Variants in KLRG1 observed in about 807,000 individuals in gnomAD.
KLRG1 encodes the protein killer cell lectin-like receptor subfamily G member 1.
A neutral mutation model predicts 21.8 loss-of-function variants in KLRG1; 16 were observed. The ratio of observed to expected loss-of-function variants is 0.73; its 90% confidence interval spans 0.50 to 1.11. The LOEUF is 1.11. Ranked by LOEUF, KLRG1 falls within the 50% of genes most tolerant of loss-of-function variation. KLRG1 has a pLI of 0.00. For missense variants in KLRG1, 173 were observed against 218.3 expected (o/e 0.79, Z 1.31); for synonymous variants, 69 against 75.9 (o/e 0.91, Z 0.47).
At chr12:9,184,530 A>G in the KLRG1 span, among the ~76,000 whole-genome samples, 7 of 152,194 alleles carry the variant, frequency 4.6e-5, no homozygotes, top group Non-Finnish European at 1.0e-4. Flanking sequence ...GCAACCTGGC[A>G]CCTGCTAGCA....
At chr12:9,079,346 T>G in the KLRG1 span, 4 of 1,608,446 alleles carry the variant, frequency 2.5e-6, no homozygotes, top group Non-Finnish European at 3.4e-6. Flanking sequence ...AAAGGAAGAT[T>G]AACGAAACAG....
chr12:9,110,329 T>C, the KLRG1 span: 5 of 1,447,314 alleles, frequency 3.5e-6, no homozygotes, highest in African/African-American at 1.4e-5. Flanking sequence ...TGTATACTAG[T>C]GGAATCTGAA....
At chr12:9,160,082 T>C in the KLRG1 span, 2 of 1,507,870 alleles carry the variant, frequency 1.3e-6, no homozygotes, top group Non-Finnish European at 1.8e-6. Context: ...AGGCCATCCA[T>C]ATGTTTAGGC....
the KLRG1 span, among the ~76,000 whole-genome samples, chr12:9,195,143 A>G: frequency 1.3e-4 from 20 of 152,326 alleles, no homozygotes; most frequent in South Asian, 4.1e-4. Flanking sequence ...GAATATCTCA[A>G]TTATGCTGAT....
At chr12:9,025,592 G>A in the KLRG1 span, among the ~76,000 whole-genome samples, 2 of 152,162 alleles carry the variant, frequency 1.3e-5, no homozygotes, top group African/African-American at 2.4e-5. Flanking sequence ...AGCCGAGATC[G>A]TGCGACTGCA....
chr12:9,074,380 C>T, the KLRG1 span, among the ~76,000 whole-genome samples: 1 of 152,176 alleles, frequency 6.6e-6, no homozygotes, highest in Non-Finnish European at 1.5e-5. Flanking sequence ...TGAGCATTTC[C>T]TTTTGGCCCT....
At chr12:8,966,841 A>G (rs1044342986) in intron 1 of KLRG1, among the ~76,000 whole-genome samples, 2 of 149,124 alleles carry the variant, frequency 1.3e-5, no homozygotes, top group East Asian at 2.0e-4. Flanking sequence ...CTGGGTATAT[A>G]CCCAAAGGAC....
In KLRG1 at chr12:8,952,079, T is replaced by G. The variant is rs112405397; in HGVS notation, c.-156+1843T>G. ...AAAAATTGAAATGAGCAGAATTTTT[T>G]TTTGTTTGTTTGTTTGCATTTCTGG... is the stretch of plus-strand genomic sequence containing the variant. On this transcript the variant is annotated intron_variant, in intron 1 of 4. Coordinates refer to the KLRG1 transcript ENST00000539240. 5.1e-3 allele frequency among the ~76,000 whole-genome samples: 770 copies of G among 152,298 alleles called. 11 individuals carry two copies. The highest frequency in any genetic ancestry group is 0.017 in the African/African-American group (696 of 41,554).
At chr12:8,958,856 C>CAA (rs35772625) in intron 1 of KLRG1, among the ~76,000 whole-genome samples, 5 of 131,744 alleles carry the variant, frequency 3.8e-5, no homozygotes, top group Middle Eastern at 8.6e-3. Context: ...TACCCTGTAT[C>CAA]AAAAAAAAAA....
chr12:9,144,730 T>C, the KLRG1 span, among the ~76,000 whole-genome samples: 293 of 152,070 alleles, frequency 1.9e-3, 1 homozygote, highest in African/African-American at 6.8e-3. Context: ...TATTGTGGGG[T>C]TGGAATGTCT....
the KLRG1 span, chr12:9,106,283 C>G: frequency 7.4e-6 from 12 of 1,613,582 alleles, no homozygotes; most frequent in African/African-American, 1.6e-4. Flanking sequence ...TCCACTTTCA[C>G]AAATGAGAGT....
At chr12:9,008,116 T>C (rs1328210217) in intron 3 of KLRG1, among the ~76,000 whole-genome samples, 3 of 152,180 alleles carry the variant, frequency 2.0e-5, no homozygotes, top group East Asian at 1.9e-4. Context: ...GAACTGTTTT[T>C]TTCTTGCCAC....
the KLRG1 span, among the ~76,000 whole-genome samples, chr12:9,097,851 T>A: frequency 6.6e-6 from 1 of 152,190 alleles, no homozygotes. Context: ...CAGACTGGTC[T>A]CAAACTCCTG....
the KLRG1 span, among the ~76,000 whole-genome samples, chr12:9,208,068 C>A: frequency 1.3e-5 from 2 of 151,886 alleles, no homozygotes; most frequent in African/African-American, 2.4e-5. Flanking sequence ...CTGATTGGCC[C>A]AGTGTAGAAA....
chr12:9,191,004 T>G, the KLRG1 span, among the ~76,000 whole-genome samples: 1 of 152,156 alleles, frequency 6.6e-6, no homozygotes, highest in East Asian at 1.9e-4. Flanking sequence ...GTTAAAATTG[T>G]TTTATGATGA....
intron 3 of KLRG1, among the ~76,000 whole-genome samples, chr12:8,996,024 G>C (rs770944025): frequency 1.3e-5 from 2 of 152,104 alleles, no homozygotes; most frequent in Non-Finnish European, 2.9e-5. Context: ...TAGAGATCAC[G>C]GGGACAGAGT....
At chr12:8,980,695 TGGTTCCAGAG>T (rs1946740530) in intron 1 of KLRG1, among the ~76,000 whole-genome samples, 1 of 152,170 alleles carries the variant, frequency 6.6e-6, no homozygotes, top group Non-Finnish European at 1.5e-5. Flanking sequence ...GCATTCATCC[TGGTTCCAGAG>T]GGTGTGGCTG....
chr12:9,022,411 CATT>C, the KLRG1 span, among the ~76,000 whole-genome samples: 2 of 152,278 alleles, frequency 1.3e-5, no homozygotes, highest in Admixed American at 1.3e-4. Flanking sequence ...TTGACAGAAA[CATT>C]GTTATGTATA....
the KLRG1 span, chr12:9,192,346 G>C: frequency 3.6e-6 from 5 of 1,375,060 alleles, no homozygotes; most frequent in South Asian, 6.0e-5. Context: ...CAGTTGTCAA[G>C]TCTGTGCTGG....
Sources: allele counts gnomAD v4.1 joint callset (sites outside exome capture counted in the v4.1 genomes callset), GRCh38; gene constraint gnomAD v4.1.1; transcripts MANE v1.5; gene names NCBI Gene and HGNC (gene_info 2026-07-23, HGNC 2026-07-21).